Variants in MMP24 observed in about 807,000 individuals in gnomAD.
MMP24 encodes matrix metalloproteinase-24.
Under a neutral mutation model 62.8 loss-of-function variants are expected in MMP24, and 25 were observed. The observed-to-expected ratio is 0.40, with a 90% CI of 0.29 to 0.56. MMP24 has a LOEUF of 0.56. MMP24 is among the 20% of genes least tolerant of loss of function. MMP24 has a pLI of 0.50. For missense variants in MMP24, 634 were observed against 853.6 expected, an observed-to-expected ratio of 0.74 and a Z score of 3.21; for synonymous variants, 319 against 350.5, an observed-to-expected ratio of 0.91 and a Z score of 1.00.
intron 1 of MMP24, among the ~76,000 whole-genome samples, chr20:35,245,871 C>T (rs946321010): frequency 5.3e-5 from 8 of 150,832 alleles, no homozygotes; most frequent in African/African-American, 1.9e-4. Flanking sequence ...CTCAGTCCTT[C>T]AGTGTGTATT....
chr20:35,265,111 G>A (rs1166089451), intron 5 of MMP24, among the ~76,000 whole-genome samples: 1 of 152,214 alleles, frequency 6.6e-6, no homozygotes, highest in Non-Finnish European at 1.5e-5. Context: ...TGAGAGGAAG[G>A]AGGGAGGGTC....
chr20:35,271,633 GCT>G lies in MMP24; in HGVS notation c.1399_1400del (p.Leu467GlyfsTer7). The G allele has an allele frequency of 6.2e-7, 1 of 1,611,552 alleles. No individual in the cohort carries two copies. Among genetic ancestry groups the G allele is most frequent in the Non-Finnish European group, 8.5e-7 (1 of 1,178,978 alleles). On this transcript the variant is annotated frameshift_variant, in exon 8 of 9. Transcript: ENST00000246186. LOFTEE classifies it high-confidence loss of function. This position sits in a 1 kb window ranked among gnomAD's most constrained non-coding sequence, Gnocchi z 4.0. ...CTGGGTACCCCCACAGCCTGGGGGA[GCT>G]GGGCAGCTGTTTGCCCCGTGAAGGC... ...EPGYPHSLGE[L>X]GSCLPREGID...
At chr20:35,266,830 G>C (rs922041684) in intron 5 of MMP24, among the ~76,000 whole-genome samples, 7 of 152,204 alleles carry the variant, frequency 4.6e-5, no homozygotes, top group Admixed American at 3.9e-4. Flanking sequence ...CAGTTGGAGT[G>C]GGTGACGGGT....
chr20:35,247,689 GTGATGCAATGTCA>G lies in MMP24; in HGVS notation c.395+708_395+720del, dbSNP rs1190853331. Among the ~76,000 whole-genome samples the G allele has an allele frequency of 3.9e-5, 6 of 152,224 alleles. No individual in the cohort carries two copies. In the East Asian group the frequency reaches 1.2e-3, roughly 29 times the overall value. Reference sequence around the variant, plus strand: ...AGGGCAAGAAGCCTGACGTGATGATGTGATGCAATGTCATGATGCCACATGGTGTGGGGTGGTC... The same window carrying G: ...AGGGCAAGAAGCCTGACGTGATGATGTGATGCCACATGGTGTGGGGTGGTC... On this transcript the variant is annotated intron_variant, in intron 2 of 8. Coordinates refer to ENST00000246186, the MANE Select transcript of MMP24 (RefSeq NM_006690.4).
chr20:35,267,053 T>G (rs953646658), intron 5 of MMP24, among the ~76,000 whole-genome samples, 152 bp from the exon 6 acceptor site: 3 of 152,082 alleles, frequency 2.0e-5, no homozygotes, highest in African/African-American at 7.2e-5. Context: ...TTTCATCCAT[T>G]TTCTCAAAGA....
At chr20:35,262,428 T>C (rs1166974984) in intron 4 of MMP24, among the ~76,000 whole-genome samples, 5 of 151,630 alleles carry the variant, frequency 3.3e-5, no homozygotes, top group South Asian at 4.1e-4. Context: ...GATTAAGTGC[T>C]GTGCTTTTAG....
chr20:35,264,840 TTC>T (rs1398672017), intron 5 of MMP24, among the ~76,000 whole-genome samples: 3 of 151,692 alleles, frequency 2.0e-5, no homozygotes, highest in African/African-American at 7.3e-5. Context: ...GTATGTGAGG[TTC>T]TTGTTCTGGT....
At chr20:35,231,948 C>T (rs1391404703) in intron 1 of MMP24, among the ~76,000 whole-genome samples, 3 of 152,150 alleles carry the variant, frequency 2.0e-5, no homozygotes, top group Non-Finnish European at 4.4e-5. Flanking sequence ...GCTGCTGAGG[C>T]AGGAGAATTG....
chr20:35,254,870 A>T, intron 4 of MMP24, 116 bp downstream of exon 4: 2 of 1,183,280 alleles, frequency 1.7e-6, no homozygotes, highest in Non-Finnish European at 2.4e-6. Flanking sequence ...AAGAACTAAG[A>T]CCGTAAGAGG....
intron 1 of MMP24, among the ~76,000 whole-genome samples, chr20:35,234,864 G>T (rs947339876): frequency 1.3e-5 from 2 of 152,060 alleles, no homozygotes; most frequent in African/African-American, 4.8e-5. Context: ...CTATGATTGT[G>T]CCACTGCACT....
At chr20:35,267,041 A>G (rs2060639221) in intron 5 of MMP24, among the ~76,000 whole-genome samples, 164 bp from the exon 6 acceptor site, 1 of 152,084 alleles carries the variant, frequency 6.6e-6, no homozygotes, top group Admixed American at 6.6e-5. Context: ...TCTAATGGCT[A>G]TTTTCATCCA....
chr20:35,232,141 T>G (rs2060440717), intron 1 of MMP24, among the ~76,000 whole-genome samples: 1 of 152,242 alleles, frequency 6.6e-6, no homozygotes, highest in African/African-American at 2.4e-5. Context: ...TCTGGATTAT[T>G]ATTGTAGCCT....
chr20:35,272,976 C>T (rs947161342), intron 8 of MMP24, among the ~76,000 whole-genome samples: 2 of 151,948 alleles, frequency 1.3e-5, no homozygotes, highest in Non-Finnish European at 2.9e-5. Context: ...TTGTCATCAT[C>T]ATGGGTTTCA....
chr20:35,242,718 C>G (rs555565062), intron 1 of MMP24, among the ~76,000 whole-genome samples: 6 of 152,298 alleles, frequency 3.9e-5, no homozygotes, highest in African/African-American at 1.4e-4. Context: ...AGCACCAGGC[C>G]CTATGCAGTG....
At chr20:35,235,164 G>A (rs1199902927) in intron 1 of MMP24, among the ~76,000 whole-genome samples, 1 of 152,224 alleles carries the variant, frequency 6.6e-6, no homozygotes, top group Non-Finnish European at 1.5e-5. Flanking sequence ...AGCACTTTGG[G>A]AGGCCAAGCT....
chr20:35,233,268 G>T lies in MMP24; in HGVS notation c.246+6284G>T, dbSNP rs945255350. Among the ~76,000 whole-genome samples the T allele has an allele frequency of 2.0e-5, 3 of 152,126 alleles. No homozygotes were observed. The East Asian group carries it at 5.8e-4, about 29-fold the overall frequency. On this transcript the variant is annotated intron_variant, in intron 1 of 8. Transcript: ENST00000246186. ...TTAAAAATACAAAAAAATTAGCTAT[G>T]CATGGTGGTACATGCCTGTAGTTCC...
At position 35,249,745 on chromosome 20, in the gene MMP24, C is replaced by T. The variant is rs989337747; in HGVS notation, c.396-2160C>T. 7.9e-5 allele frequency among the ~76,000 whole-genome samples: 12 copies of T among 151,430 alleles called. No individual in the cohort carries two copies. In the South Asian group the frequency reaches 1.7e-3, roughly 21 times the overall value. On this transcript the variant is annotated intron_variant, in intron 2 of 8. Transcript: ENST00000246186. Reference sequence around the variant, plus strand: ...CTGGGACTACAGGGGCCCGCCACCACGCCCGGCTAATTTTTTTTTTTTATT... The same window carrying T: ...CTGGGACTACAGGGGCCCGCCACCATGCCCGGCTAATTTTTTTTTTTTATT...
At chr20:35,242,350 A>AAATAG (rs2060492441) in intron 1 of MMP24, among the ~76,000 whole-genome samples, 2 of 152,108 alleles carry the variant, frequency 1.3e-5, no homozygotes, top group South Asian at 4.1e-4. Context: ...AAATAAAATA[A>AAATAG]AAATTAAATT....
rs368972733 is a variant in MMP24 at position 35,232,430 on chromosome 20, C to T, written c.246+5446C>T. Among the ~76,000 whole-genome samples, 9 of 152,246 alleles carry T rather than the reference C, an allele frequency of 5.9e-5. No individual in the cohort carries two copies. In the East Asian group the frequency reaches 1.4e-3, roughly 23 times the overall value. ...TCCCCATCAACTTCTTTGAATAGTG[C>T]TTGGCACACAAAAGTCGCTACCTTT... On this transcript the variant is annotated intron_variant, in intron 1 of 8. Coordinates refer to ENST00000246186, the MANE Select transcript of MMP24 (RefSeq NM_006690.4).
Sources: gnomAD v4.1 joint callset for allele counts (sites outside exome capture counted in the v4.1 genomes callset) on GRCh38, gnomAD v4.1.1 for gene constraint, Gnocchi (gnomAD v3.1) non-coding constraint, MANE v1.5 for transcripts, NCBI Gene and HGNC (gene_info 2026-07-23, HGNC 2026-07-21) for gene names.